Variants in DCDC1 observed in about 807,000 individuals in gnomAD.
DCDC1 encodes the protein doublecortin domain containing 1, also known as doublecortin domain-containing protein 1.
Under a neutral mutation model 178.3 loss-of-function variants are expected in DCDC1, and 200 were observed. The ratio of observed to expected loss-of-function variants is 1.12; its 90% CI spans 1.00 to 1.26. The LOEUF is 1.26. Ranked by LOEUF, DCDC1 falls within the 50% of genes most tolerant of loss-of-function variation. The pLI is 0.00. For synonymous variants in DCDC1, 690 were observed against 604.8 expected (o/e 1.14, Z -2.07); for missense variants, 1,983 against 1,749.2 (o/e 1.13, Z -2.38).
intron 37 of DCDC1, 59 bp downstream of exon 37, chr11:30,881,099 A>G (rs1426484363): frequency 5.7e-6 from 9 of 1,578,466 alleles, no homozygotes; most frequent in Middle Eastern, 1.8e-4. Context: ...CTCTTCCAAG[A>G]GAAGATTGAA....
intron 6 of DCDC1, among the ~76,000 whole-genome samples, chr11:31,298,119 G>A (rs1224822810): frequency 6.6e-6 from 1 of 152,136 alleles, no homozygotes; most frequent in East Asian, 1.9e-4. Context: ...TAACATCCGA[G>A]TTCCCCTTTG....
chr11:30,942,612 A>T (rs895070744), intron 21 of DCDC1, among the ~76,000 whole-genome samples: 1 of 152,198 alleles, frequency 6.6e-6, no homozygotes, highest in African/African-American at 2.4e-5. Context: ...CAAGTATGCT[A>T]TATTTCTGAT....
intron 9 of DCDC1, among the ~76,000 whole-genome samples, chr11:31,145,046 T>A (rs1405613476): frequency 6.6e-6 from 1 of 152,166 alleles, no homozygotes; most frequent in Admixed American, 6.5e-5. Flanking sequence ...AGTAAAAAAA[T>A]GCCTCCAACA....
intron 8 of DCDC1, among the ~76,000 whole-genome samples, chr11:31,249,850 C>T (rs1943851131): frequency 6.6e-6 from 1 of 152,134 alleles, no homozygotes; most frequent in Non-Finnish European, 1.5e-5. Context: ...TAAGCCTAAT[C>T]TTAATTCCCT....
At chr11:31,071,181 A>G (rs1283238145) in intron 18 of DCDC1, among the ~76,000 whole-genome samples, 1 of 152,202 alleles carries the variant, frequency 6.6e-6, no homozygotes, top group Non-Finnish European at 1.5e-5. Context: ...TAACAACATT[A>G]CAATTTTTCT....
chr11:31,059,992 A>G (rs571766057), intron 20 of DCDC1, among the ~76,000 whole-genome samples: 9 of 152,182 alleles, frequency 5.9e-5, no homozygotes, highest in African/African-American at 1.9e-4. Context: ...AGACTATAAC[A>G]GTTCCTTTAG....
At chr11:30,923,525 G>A (rs1166063660) in intron 23 of DCDC1, among the ~76,000 whole-genome samples, 2 of 150,502 alleles carry the variant, frequency 1.3e-5, no homozygotes, top group Admixed American at 1.3e-4. Flanking sequence ...GAGAACCTCA[G>A]TGCTGCCTTT....
At chr11:31,210,770 A>T (rs1972434686) in intron 9 of DCDC1, among the ~76,000 whole-genome samples, 1 of 151,974 alleles carries the variant, frequency 6.6e-6, no homozygotes. Flanking sequence ...AAGAGAATGG[A>T]CCAAGCACTG....
intron 20 of DCDC1, among the ~76,000 whole-genome samples, chr11:31,005,515 C>A (rs1234256325): frequency 6.6e-6 from 1 of 152,172 alleles, no homozygotes; most frequent in African/African-American, 2.4e-5. Context: ...CCATTCATTT[C>A]AATTCAACCT....
At position 30,952,478 on chromosome 11, in the gene DCDC1, C is replaced by T; in HGVS notation, c.2682G>A (p.Met894Ile). 5 of 1,584,978 alleles carry T rather than the reference C, an allele frequency of 3.2e-6. No individual in the cohort carries two copies. The highest frequency in any genetic ancestry group is 4.3e-6 in the Non-Finnish European group (5 of 1,169,924). The change falls in exon 21 of 39, where the codon ATG becomes ATA. Residue 894 changes from methionine (M) to isoleucine (I), a missense_variant. Physicochemically the swap from Met to Ile is conservative, Grantham distance 10. Coordinates refer to ENST00000684477, the MANE Select transcript of DCDC1 (RefSeq NM_001387274.1). ...ENPLWNKLTY[M>I]WPVLPSGQLN... is the part of the protein sequence containing the mutation. ...GTTGGCCACTGGGAAGGACAGGCCA[C>T]ATGTAGGTAAGCTTGTTCCATAGAG...
intron 7 of DCDC1, among the ~76,000 whole-genome samples, chr11:31,288,465 A>G (rs954828038): frequency 6.6e-6 from 1 of 151,904 alleles, no homozygotes; most frequent in Non-Finnish European, 1.5e-5. Context: ...AAAGTAAATA[A>G]ATGGATTTCC....
At chr11:31,322,476 G>A (rs142119157) in intron 3 of DCDC1, among the ~76,000 whole-genome samples, 1 of 152,232 alleles carries the variant, frequency 6.6e-6, no homozygotes, top group East Asian at 1.9e-4. Flanking sequence ...AGCCAATGAT[G>A]GTAATTTCAT....
intron 8 of DCDC1, chr11:31,241,891 T>A: frequency 8.3e-6 from 2 of 241,062 alleles, no homozygotes; most frequent in Non-Finnish European, 1.6e-5. Context: ...TGTCATGGTG[T>A]GCACTGATTG....
intron 11 of DCDC1, among the ~76,000 whole-genome samples, chr11:31,125,613 A>G (rs150822132): frequency 7.0e-4 from 106 of 152,324 alleles, no homozygotes; most frequent in Middle Eastern, 3.4e-3. Context: ...GAATGAGATC[A>G]TGTCCTTTGC....
chr11:30,930,380 T>C (rs1368471467), intron 22 of DCDC1, among the ~76,000 whole-genome samples: 1 of 152,156 alleles, frequency 6.6e-6, no homozygotes, highest in Non-Finnish European at 1.5e-5. Context: ...CTATTGATGA[T>C]ATTATAGAAC....
At chr11:30,971,748 T>C (rs1949810075) in intron 20 of DCDC1, among the ~76,000 whole-genome samples, 1 of 151,810 alleles carries the variant, frequency 6.6e-6, no homozygotes, top group African/African-American at 2.4e-5. Context: ...TAGCTGGGAC[T>C]ACAGGTGCCC....
intron 38 of DCDC1, among the ~76,000 whole-genome samples, chr11:30,876,615 G>A (rs1405321299): frequency 6.6e-6 from 1 of 152,140 alleles, no homozygotes; most frequent in African/African-American, 2.4e-5. Context: ...TTGATACAGC[G>A]TTGTGTGATA....
At chr11:30,991,733 GT>G (rs1412629989) in intron 20 of DCDC1, among the ~76,000 whole-genome samples, 1 of 151,978 alleles carries the variant, frequency 6.6e-6, no homozygotes, top group African/African-American at 2.4e-5. Context: ...ACCAAAATAA[GT>G]TTATTTATGA....
chr11:31,040,982 C>T (rs1954408568), intron 20 of DCDC1, among the ~76,000 whole-genome samples: 2 of 152,170 alleles, frequency 1.3e-5, no homozygotes, highest in Non-Finnish European at 2.9e-5. Flanking sequence ...GTATTTATAG[C>T]ATGCTCATCC....
Sources: allele counts gnomAD v4.1 joint callset (sites outside exome capture counted in the v4.1 genomes callset), GRCh38; gene constraint gnomAD v4.1.1; transcripts MANE v1.5; gene names NCBI Gene and HGNC (gene_info 2026-07-23, HGNC 2026-07-21).